ABI2: variants seen among roughly 807,000 people sequenced by gnomAD.
ABI2 encodes abelson interactor 2.
Under a neutral mutation model 59.2 loss-of-function variants are expected in ABI2, and 25 were observed. That is an observed-to-expected ratio of 0.42 (90% CI 0.31 to 0.59). The LOEUF (loss-of-function observed/expected upper bound fraction) is 0.59. Among genes scored for constraint, ABI2 ranks in the 20% least tolerant of loss-of-function variants. The pLI is 0.14. For missense variants in ABI2, 545 were observed against 681.8 expected, an observed-to-expected ratio of 0.80 and a Z score of 2.23; for synonymous variants, 213 against 235.5, an observed-to-expected ratio of 0.90 and a Z score of 0.87.
At chr2:203,387,965 C>T (rs1369883714) in intron 4 of ABI2, among the ~76,000 whole-genome samples, 3 of 152,034 alleles carry the variant, frequency 2.0e-5, no homozygotes, top group Non-Finnish European at 4.4e-5. Flanking sequence ...TTTTTAGGAT[C>T]AATCATGATG....
chr2:203,368,529 A>C (rs986180183), intron 2 of ABI2, among the ~76,000 whole-genome samples: 8 of 152,156 alleles, frequency 5.3e-5, no homozygotes, highest in Non-Finnish European at 8.8e-5. Context: ...AACTAGACCA[A>C]ATATAGTCCA....
chr2:203,360,322 C>T (rs983499412), intron 1 of ABI2, among the ~76,000 whole-genome samples: 2 of 151,520 alleles, frequency 1.3e-5, no homozygotes, highest in South Asian at 2.1e-4. Flanking sequence ...CATGTGAGGT[C>T]GGTTATCAAT....
At chr2:203,372,689 C>T (rs1213415546) in intron 2 of ABI2, among the ~76,000 whole-genome samples, 6 of 150,988 alleles carry the variant, frequency 4.0e-5, no homozygotes, top group African/African-American at 9.7e-5. Flanking sequence ...GGCTGCCGGG[C>T]GTAGGGGCTC....
At chr2:203,417,289 T>C (rs1470578571) in intron 11 of ABI2, among the ~76,000 whole-genome samples, 1 of 152,244 alleles carries the variant, frequency 6.6e-6, no homozygotes, top group Non-Finnish European at 1.5e-5. Flanking sequence ...CTGATGGTTA[T>C]CTATATTGTT....
chr2:203,394,617 G>T, intron 5 of ABI2, 83 bp from the exon 6 acceptor site: 2 of 1,360,732 alleles, frequency 1.5e-6, no homozygotes, highest in South Asian at 1.3e-5. Flanking sequence ...ATTACAAATT[G>T]TATCTCAACT....
At chr2:203,393,984 C>G (rs1041270646) in intron 5 of ABI2, among the ~76,000 whole-genome samples, 11 of 152,122 alleles carry the variant, frequency 7.2e-5, no homozygotes, top group African/African-American at 2.7e-4. Context: ...TTAATAAAAT[C>G]CAGTCTGGTT....
chr2:203,375,971 A>T (rs1470093045), intron 2 of ABI2: 1 of 1,074,514 alleles, frequency 9.3e-7, no homozygotes, highest in Non-Finnish European at 1.3e-6. Flanking sequence ...GTATGATGGC[A>T]AGAATGCAAA....
At chr2:203,394,165 A>G (rs2096880524) in intron 5 of ABI2, among the ~76,000 whole-genome samples, 1 of 152,212 alleles carries the variant, frequency 6.6e-6, no homozygotes, top group Admixed American at 6.5e-5. Flanking sequence ...GTATTTTTGT[A>G]TATAGATATA....
At chr2:203,373,487 G>T (rs898708699) in intron 2 of ABI2, among the ~76,000 whole-genome samples, 4 of 150,354 alleles carry the variant, frequency 2.7e-5, no homozygotes, top group Admixed American at 2.0e-4. Context: ...GGGCCGTGGG[G>T]AGAGGGAGAG....
In ABI2 at chr2:203,427,909, C is replaced by T. The variant is rs2098453740; in HGVS notation, c.*557C>T. The T allele has an allele frequency of 6.6e-6, 1 of 152,464 alleles. No individual in the cohort carries two copies. Among genetic ancestry groups the T allele is most frequent in the South Asian group, 2.1e-4 (1 of 4,834 alleles). 9.4% of individuals were successfully genotyped at this position (152,464 alleles called of 1,614,324 possible). A position where few individuals can be genotyped will look rare whatever the true frequency, so the allele number is the denominator to read the frequency against. ...TCTGTGACACTGTAAATTCTGCATT[C>T]TCTCAGCACTTGAGTGCACCAAACG... is the stretch of plus-strand genomic sequence containing the variant. On this transcript the variant is annotated 3_prime_UTR_variant, in exon 12 of 12. Transcript: ENST00000261018.
At chr2:203,369,273 AAAAG>A (rs891972605) in intron 2 of ABI2, among the ~76,000 whole-genome samples, 4 of 152,130 alleles carry the variant, frequency 2.6e-5, no homozygotes, top group African/African-American at 9.7e-5. Context: ...AACGTTAAAA[AAAAG>A]AACAAATATA....
Position 203,404,031 on chromosome 2 carries a change from G to A in ABI2, c.1192+1297G>A, listed in dbSNP as rs187690038. On this transcript the variant is annotated intron_variant, in intron 9 of 11. Transcript: ENST00000261018. Reference sequence around the variant, plus strand: ...GCCTCCCAAAGTGCTGGGATTACAGGCGTGAGTCACCGTGCCTGGCCTAAG... The same window carrying A: ...GCCTCCCAAAGTGCTGGGATTACAGACGTGAGTCACCGTGCCTGGCCTAAG... Among the ~76,000 whole-genome samples, 12 of 152,002 alleles carry A rather than the reference G, an allele frequency of 7.9e-5. No individual in the cohort carries two copies. In the East Asian group the frequency reaches 2.1e-3, roughly 27 times the overall value.
chr2:203,384,284 GTTTTTGT>G (rs1559288760), intron 4 of ABI2, among the ~76,000 whole-genome samples: 12 of 48,510 alleles, frequency 2.5e-4, no homozygotes, highest in Non-Finnish European at 3.1e-4. Flanking sequence ...TCTTGTTTTT[GTTTTTGT>G]TTTTTTTTTT....
At chr2:203,378,486 A>G (rs2095870874) in intron 2 of ABI2, among the ~76,000 whole-genome samples, 1 of 152,172 alleles carries the variant, frequency 6.6e-6, no homozygotes, top group Non-Finnish European at 1.5e-5. Context: ...TGTTCCATTT[A>G]TACATTCGTT....
chr2:203,418,033 T>C (rs1261839183), intron 11 of ABI2, among the ~76,000 whole-genome samples: 1 of 152,048 alleles, frequency 6.6e-6, no homozygotes. Flanking sequence ...AAGAAAGCAT[T>C]AGCAACCTTG....
At chr2:203,354,268 T>C (rs1175739010) in intron 1 of ABI2, among the ~76,000 whole-genome samples, 1 of 152,194 alleles carries the variant, frequency 6.6e-6, no homozygotes, top group Non-Finnish European at 1.5e-5. Context: ...GGTCTCAAAC[T>C]CCTGAGCTCA....
chr2:203,355,214 TAAAAA>T (rs748446925), intron 1 of ABI2: 29 of 399,462 alleles, frequency 7.3e-5, no homozygotes, highest in South Asian at 5.2e-4. Context: ...CATGGAAAGT[TAAAAA>T]AAGAAGACTG....
At chr2:203,407,959 A>G (rs1181310402) in intron 9 of ABI2, among the ~76,000 whole-genome samples, 2 of 152,242 alleles carry the variant, frequency 1.3e-5, no homozygotes, top group Non-Finnish European at 2.9e-5. Context: ...GTCCGAAAAG[A>G]AAATGATGTG....
intron 4 of ABI2, among the ~76,000 whole-genome samples, chr2:203,389,869 C>T (rs748257452): frequency 2.0e-5 from 3 of 152,162 alleles, no homozygotes; most frequent in Non-Finnish European, 4.4e-5. Context: ...CTTTGGTGAC[C>T]TCCATTATTC....
Sources: gnomAD v4.1 joint callset for allele counts (sites outside exome capture counted in the v4.1 genomes callset) on GRCh38, gnomAD v4.1.1 for gene constraint, MANE v1.5 for transcripts, NCBI Gene and HGNC (gene_info 2026-07-23, HGNC 2026-07-21) for gene names.